LRCOL1: variants seen among roughly 807,000 people sequenced by gnomAD.
LRCOL1 encodes leucine-rich colipase-like protein 1.
In LRCOL1, 21 loss-of-function variants were observed where a neutral mutation model predicts 21.6. The ratio of observed to expected loss-of-function variants is 0.97; its 90% CI spans 0.69 to 1.40. LRCOL1 has a LOEUF of 1.40. LRCOL1 is among the 40% of genes most tolerant of loss of function. The pLI is 0.00. For synonymous variants in LRCOL1, 98 were observed against 90.1 expected, an observed-to-expected ratio of 1.09 and a Z score of -0.49; for missense variants, 198 against 202.3, an observed-to-expected ratio of 0.98 and a Z score of 0.13.
intron 5 of LRCOL1, 142 bp downstream of exon 5, chr12:132,604,112 C>G (rs1593648348): frequency 1.4e-6 from 2 of 1,433,322 alleles, no homozygotes; most frequent in Middle Eastern, 2.6e-4. Flanking sequence ...GGTGAAGCGC[C>G]GGCCTCTCCC....
At chr12:132,605,111 C>A in intron 2 of LRCOL1, 2 of 1,238,692 alleles carry the variant, frequency 1.6e-6, no homozygotes, top group Non-Finnish European at 2.0e-6. Context: ...GGGTGAAGCT[C>A]TCAGGCCAGC....
In LRCOL1 at chr12:132,604,696, CGCA is replaced by C; in HGVS notation, c.231+7_231+9del. 1 of 1,535,116 alleles carries C rather than the reference CGCA, an allele frequency of 6.5e-7. No individual in the cohort carries two copies. Among genetic ancestry groups the C allele is most frequent in the East Asian group, 2.4e-5 (1 of 40,900 alleles). ...TCGCTCCTCCACCCCCGCCCCTGCA[CGCA>C]CCTCACCTTCCTCCAGGGCAGGCAC... On this transcript the variant is annotated splice_region_variant and intron_variant, in intron 3 of 5. Coordinates refer to ENST00000376608, the MANE Select transcript of LRCOL1 (RefSeq NM_001195520.2).
In LRCOL1 at chr12:132,604,834, G is replaced by A; in HGVS notation, c.106-3C>T. ...CTCCTGCATGGCTCCCCGATGCCCT[G>A]AAACACCACTCACCAGCTCGCTCAC... is the stretch of plus-strand genomic sequence containing the variant. On this transcript the variant is annotated splice_region_variant and splice_polypyrimidine_tract_variant and intron_variant, in intron 2 of 5. Coordinates refer to ENST00000376608, the MANE Select transcript of LRCOL1 (RefSeq NM_001195520.2). 1 of 1,535,848 alleles carries A rather than the reference G, an allele frequency of 6.5e-7. No individual in the cohort carries two copies. The highest frequency in any genetic ancestry group is 8.7e-7 in the Non-Finnish European group (1 of 1,146,704).
chr12:132,604,103 G>T, intron 5 of LRCOL1, 151 bp downstream of exon 5: 1 of 1,431,430 alleles, frequency 7.0e-7, no homozygotes, highest in South Asian at 1.5e-5. Flanking sequence ...GAGATGGGCG[G>T]TGAAGCGCCG....
At chr12:132,609,275 C>A (rs773737866) in intron 1 of LRCOL1, among the ~76,000 whole-genome samples, 1 of 152,150 alleles carries the variant, frequency 6.6e-6, no homozygotes, top group Non-Finnish European at 1.5e-5. Flanking sequence ...GTGCCCAGGG[C>A]AGGTGGGGGT....
chr12:132,603,824 G>A (rs2041260657), intron 5 of LRCOL1: 1 of 985,318 alleles, frequency 1.0e-6, no homozygotes, highest in Non-Finnish European at 1.2e-6. Context: ...ACCGAGCACG[G>A]CTTGTCCCAT....
At position 132,606,173 on chromosome 12, in the gene LRCOL1, G is replaced by A; in HGVS notation, c.79C>T (p.Gln27Ter). Residue 27 changes from glutamine to a stop codon, truncating the protein, a stop_gained, in exon 2 of 6, where the codon CAG (glutamine) becomes TAG (stop). Coordinates refer to ENST00000376608, the MANE Select transcript of LRCOL1 (RefSeq NM_001195520.2). LOFTEE classifies it high-confidence loss of function. The surrounding 1 kb of genome is among the most constrained non-coding windows in gnomAD (Gnocchi z 4.6). ...LLGSMAGYGP[Q>*]KKLNLSHKGI... ...TTATGGGACAGGTTCAACTTCTTCT[G>A]TGGCCCATACCCTGCCATGGACCCC... The A allele has an allele frequency of 6.5e-7, 1 of 1,536,482 alleles. No homozygotes were observed.
intron 2 of LRCOL1, chr12:132,605,848 C>T (rs981376270): frequency 2.3e-5 from 10 of 430,326 alleles, no homozygotes; most frequent in African/African-American, 8.2e-5. Context: ...CATGTGGCCC[C>T]GCTCTCTCCT....
rs1288410770 is a variant in LRCOL1 at position 132,610,522 on chromosome 12, T to G, written c.-213A>C. 1.3e-5 allele frequency: 2 copies of G among 152,080 alleles called. No homozygotes were observed. The highest frequency in any genetic ancestry group is 4.8e-5 in the African/African-American group (2 of 41,338). The allele number at this position is 152,080 out of a possible 1,614,324, so 9.4% of individuals were successfully genotyped here. On this transcript the variant is annotated 5_prime_UTR_variant, in exon 1 of 6. The change abolishes an upstream ATG in the 5' untranslated region. Transcript: ENST00000376608. Reference sequence around the variant, plus strand: ...TTCGGTCCCAGGAGAAAGACGCTCATCTCCCCACATGAGAGGCTCAGTGTA... The same window carrying G: ...TTCGGTCCCAGGAGAAAGACGCTCAGCTCCCCACATGAGAGGCTCAGTGTA...
chr12:132,604,170 C>A, intron 5 of LRCOL1, 84 bp downstream of exon 5: 9 of 1,466,594 alleles, frequency 6.1e-6, no homozygotes, highest in Non-Finnish European at 8.1e-6. Context: ...AGCCGCGGTC[C>A]CGGTCCAGTT....
chr12:132,603,582 C>G, intron 5 of LRCOL1, 178 bp from the exon 6 acceptor site: 1 of 984,682 alleles, frequency 1.0e-6, no homozygotes, highest in Non-Finnish European at 1.2e-6. Context: ...ACGAGCCGCG[C>G]CAGGCGCCCG....
chr12:132,605,478 C>T (rs2041295088), intron 2 of LRCOL1, among the ~76,000 whole-genome samples: 1 of 152,228 alleles, frequency 6.6e-6, no homozygotes. Context: ...CCTGTAATCC[C>T]AGCACTTTGG....
Position 132,606,150 on chromosome 12 carries a change from A to C in LRCOL1, c.102T>G (p.His34Gln), listed in dbSNP as rs1384647048. Reference sequence around the variant, plus strand: ...ATCAGGGGTGCCCGGCACCCACCTTATGGGACAGGTTCAACTTCTTCTGTG... The same window carrying C: ...ATCAGGGGTGCCCGGCACCCACCTTCTGGGACAGGTTCAACTTCTTCTGTG... ...YGPQKKLNLS[H>Q]KGIGEPCRRH... Residue 34 changes from histidine to glutamine, a missense_variant, in exon 2 of 6, where the codon CAT becomes CAG. Coordinates refer to ENST00000376608, the MANE Select transcript of LRCOL1 (RefSeq NM_001195520.2). The surrounding 1 kb of genome is among the most constrained non-coding windows in gnomAD (Gnocchi z 4.6). The C allele has an allele frequency of 6.5e-7, 1 of 1,536,036 alleles. No individual in the cohort carries two copies. The highest frequency in any genetic ancestry group is 8.7e-7 in the Non-Finnish European group (1 of 1,146,874).
chr12:132,603,437 A>G (rs1566276176), intron 5 of LRCOL1, 33 bp from the exon 6 acceptor site: 2 of 1,536,160 alleles, frequency 1.3e-6, no homozygotes, highest in Non-Finnish European at 1.7e-6. Flanking sequence ...GGAAACGTGC[A>G]GGGGACGGGC....
At chr12:132,607,811 C>CTCTGTCTCTTTCTG (rs2041329793) in intron 1 of LRCOL1, among the ~76,000 whole-genome samples, 1 of 150,122 alleles carries the variant, frequency 6.7e-6, no homozygotes, top group Non-Finnish European at 1.5e-5. Flanking sequence ...CTGTCTCCCT[C>CTCTGTCTCTTTCTG]TCTCTGTCTC....
At position 132,604,543 on chromosome 12, in the gene LRCOL1, G is replaced by A. The variant is rs910913425; in HGVS notation, c.273C>T (p.Ser91=). ...GGCTGTTGTTGCGGACGCAGCAGCT[G>A]CTCTGGCACTCTGAGTCGTGCGAGC... ...YRCSHDSECQ[S]SCCVRNNSPQ... Residue 91 remains serine, a synonymous_variant, in exon 4 of 6, where the codon AGC becomes AGT. Transcript: ENST00000376608. The A allele has an allele frequency of 6.5e-7, 1 of 1,536,160 alleles. No homozygotes were observed. The highest frequency in any genetic ancestry group is 8.7e-7 in the Non-Finnish European group (1 of 1,146,884).
intron 1 of LRCOL1, among the ~76,000 whole-genome samples, chr12:132,610,058 T>G (rs1427208086): frequency 5.9e-5 from 9 of 152,210 alleles, no homozygotes; most frequent in South Asian, 2.1e-4. Flanking sequence ...CTGGGGCTGG[T>G]GCTGTAACCC....
intron 1 of LRCOL1, among the ~76,000 whole-genome samples, chr12:132,607,697 GTCTCTGTCTCTCCCTCTGTCTCTGTC>G (rs1352017382): frequency 1.9e-4 from 27 of 139,946 alleles, no homozygotes; most frequent in African/African-American, 2.6e-4. Flanking sequence ...CTGCCTCTCT[GTCTCTGTCTCTCCCTCTGTCTCTGTC>G]TCTCTGTCTC....
At position 132,604,813 on chromosome 12, in the gene LRCOL1, T is replaced by C. The variant is rs11146963; in HGVS notation, c.124A>G (p.Arg42Gly). Residue 42 changes from arginine to glycine, a missense_variant, in exon 3 of 6, where the codon AGG (arginine) becomes GGG (glycine). Coordinates refer to ENST00000376608, the MANE Select transcript of LRCOL1 (RefSeq NM_001195520.2). ...TTGCTCTGGCACTCCTCGTGTCTCCTGCATGGCTCCCCGATGCCCTGAAAC... is the reference window on the plus strand; with the variant it reads ...TTGCTCTGGCACTCCTCGTGTCTCCCGCATGGCTCCCCGATGCCCTGAAAC... The part of the protein sequence containing the change: ...LSHKGIGEPC[R>G]RHEECQSNCC... The C allele has an allele frequency of 0.61, 929,999 of 1,535,932 alleles. 286,220 individuals carry two copies. The highest frequency in any genetic ancestry group is 0.85 in the African/African-American group (62,056 of 73,130).
Sources: allele counts gnomAD v4.1 joint callset (sites outside exome capture counted in the v4.1 genomes callset), GRCh38; gene constraint gnomAD v4.1.1; non-coding constraint Gnocchi (gnomAD v3.1); transcripts MANE v1.5; gene names NCBI Gene and HGNC (gene_info 2026-07-23, HGNC 2026-07-21).